Variants in CPS1 observed in about 807,000 individuals in gnomAD.
The protein encoded by CPS1 is carbamoyl-phosphate synthase [ammonia], mitochondrial.
CPS1 carries 109 observed loss-of-function variants against 174.6 expected under a neutral mutation model. The ratio of observed to expected loss-of-function variants is 0.62; its 90% CI spans 0.53 to 0.73. The LOEUF is 0.73. CPS1 is among the 30% of genes least tolerant of loss of function. The pLI, the probability that CPS1 is intolerant of heterozygous loss-of-function variation, is 0.00. For missense variants in CPS1, 1,689 were observed against 1,821.9 expected (o/e 0.93, Z 1.33); for synonymous variants, 637 against 632.0 (o/e 1.01, Z -0.12).
intron 1 of CPS1, among the ~76,000 whole-genome samples, chr2:210,541,302 T>C (rs1696417948): frequency 6.6e-6 from 1 of 152,184 alleles, no homozygotes. Context: ...CCAATCAAAC[T>C]GTCCTCCCAG....
intron 23 of CPS1, 91 bp downstream of exon 23, chr2:210,639,306 T>C: frequency 1.9e-6 from 2 of 1,067,886 alleles, no homozygotes; most frequent in East Asian, 2.5e-5. Context: ...TCTTTGGATA[T>C]CTAGGTAATA....
At chr2:210,492,339 A>C (rs2105952700) in intron 1 of CPS1, among the ~76,000 whole-genome samples, 1 of 152,336 alleles carries the variant, frequency 6.6e-6, no homozygotes, top group African/African-American at 2.4e-5. Context: ...TCTCTACAGA[A>C]GTCAGAAATA....
chr2:210,540,251 G>A (rs1372473635), intron 1 of CPS1, among the ~76,000 whole-genome samples: 7 of 152,092 alleles, frequency 4.6e-5, no homozygotes, highest in African/African-American at 9.7e-5. Context: ...CTTTCTCTTT[G>A]CCTTCCTGTT....
intron 1 of CPS1, among the ~76,000 whole-genome samples, chr2:210,507,616 C>G (rs1460142463): frequency 6.6e-6 from 1 of 151,268 alleles, no homozygotes; most frequent in Non-Finnish European, 1.5e-5. Flanking sequence ...CATCAGTGTG[C>G]TGTATTCAGG....
chr2:210,640,394 A>G (rs1700183940), intron 24 of CPS1, among the ~76,000 whole-genome samples: 1 of 152,188 alleles, frequency 6.6e-6, no homozygotes, highest in South Asian at 2.1e-4. Flanking sequence ...GTTTTTCATA[A>G]GGATCTACAT....
intron 28 of CPS1, among the ~76,000 whole-genome samples, chr2:210,651,297 C>T (rs1036922652): frequency 2.0e-5 from 3 of 152,108 alleles, no homozygotes; most frequent in Admixed American, 6.5e-5. Context: ...GATCGCTCTT[C>T]TGTGTATGAT....
chr2:210,633,947 G>A (rs1019095436), intron 21 of CPS1, among the ~76,000 whole-genome samples: 4 of 152,280 alleles, frequency 2.6e-5, no homozygotes, highest in South Asian at 4.1e-4. Flanking sequence ...GTTCTTCAGA[G>A]TTAGGATTTT....
chr2:210,671,941 A>C (rs1211220576), intron 34 of CPS1: 1 of 152,154 alleles, frequency 6.6e-6, no homozygotes, highest in Admixed American at 6.5e-5. Context: ...GATTTTAGCC[A>C]AGGTTAATGC....
At chr2:210,500,476 C>G (rs543193107) in intron 1 of CPS1, among the ~76,000 whole-genome samples, 26 of 152,328 alleles carry the variant, frequency 1.7e-4, no homozygotes, top group African/African-American at 5.8e-4. Context: ...GAGGTACAGG[C>G]CTTGGGTAAA....
At chr2:210,561,553 G>A (rs1697101673) in intron 1 of CPS1, among the ~76,000 whole-genome samples, 2 of 152,156 alleles carry the variant, frequency 1.3e-5, no homozygotes, top group Admixed American at 1.3e-4. Context: ...GAGGGGTGCT[G>A]TAGAAAGTTT....
intron 1 of CPS1, among the ~76,000 whole-genome samples, chr2:210,489,965 T>C (rs1694826046): frequency 8.0e-6 from 1 of 125,120 alleles, no homozygotes; most frequent in Non-Finnish European, 1.6e-5. Context: ...GCCACTGCAC[T>C]CCAGCCTGGG....
intron 29 of CPS1, 129 bp downstream of exon 29, chr2:210,654,231 T>C (rs1700642286): frequency 1.3e-6 from 1 of 795,548 alleles, no homozygotes; most frequent in Non-Finnish European, 2.1e-6. Flanking sequence ...GTGGAGAAGC[T>C]GTAAAAAAAA....
At position 210,640,165 on chromosome 2, in the gene CPS1, A is replaced by G. The variant is rs1217037487; in HGVS notation, c.2959+106A>G. 1.6e-5 allele frequency: 13 copies of G among 814,474 alleles called. No individual in the cohort carries two copies. The East Asian group carries it at 3.1e-4, about 20-fold the overall frequency. 50.5% of individuals were successfully genotyped at this position (814,474 alleles called of 1,614,324 possible). A position where few individuals can be genotyped will look rare whatever the true frequency, so the allele number is the denominator to read the frequency against. The stretch of plus-strand genomic sequence containing the variant: ...AGAACTATATCAAATAAATGCTGTA[A>G]TATATGTTTTGCAAATTAGGAAGCT... On this transcript the variant is annotated intron_variant, in intron 24 of 37. Coordinates refer to ENST00000233072, the MANE Select transcript of CPS1 (RefSeq NM_001875.5).
intron 33 of CPS1, among the ~76,000 whole-genome samples, chr2:210,666,785 A>G (rs1314619139): frequency 6.6e-6 from 1 of 151,948 alleles, no homozygotes; most frequent in Non-Finnish European, 1.5e-5. Flanking sequence ...TGTTCTTTTG[A>G]CTTAGGATTG....
chr2:210,590,816 G>T lies in CPS1; in HGVS notation c.857G>T (p.Arg286Leu). 1 of 1,610,190 alleles carries T rather than the reference G, an allele frequency of 6.2e-7. No homozygotes were observed. The highest frequency in any genetic ancestry group is 8.5e-7 in the Non-Finnish European group (1 of 1,177,504). ...QNVRKILESD[R>L]KEPLFGISTG... is the part of the protein sequence containing the mutation. ...CTGATTTAGATTTTGGAGAGTGATC[G>T]CAAGGAGCCATTGTTTGGAATCAGT... Residue 286 changes from arginine (R) to leucine (L), a missense_variant, in exon 9 of 38, where the codon CGC becomes CTC. Arg to Leu is a moderately radical substitution (Grantham distance 102). Coordinates refer to ENST00000233072, the MANE Select transcript of CPS1 (RefSeq NM_001875.5).
intron 1 of CPS1, among the ~76,000 whole-genome samples, chr2:210,547,725 T>C (rs1470241657): frequency 6.6e-6 from 1 of 152,094 alleles, no homozygotes; most frequent in African/African-American, 2.4e-5. Flanking sequence ...TAATAAAATG[T>C]CTTTTACTTA....
chr2:210,589,939 C>A (rs1390490253), intron 7 of CPS1, among the ~76,000 whole-genome samples, 167 bp from the exon 8 acceptor site: 3 of 151,968 alleles, frequency 2.0e-5, no homozygotes, highest in African/African-American at 7.2e-5. Flanking sequence ...CGGCATGAGC[C>A]ACCAAGCCCG....
At chr2:210,670,116 A>G (rs1371746498) in intron 34 of CPS1, among the ~76,000 whole-genome samples, 2 of 152,136 alleles carry the variant, frequency 1.3e-5, no homozygotes, top group African/African-American at 2.4e-5. Flanking sequence ...CTACCTTTCA[A>G]TACTTTCCTT....
intron 17 of CPS1, among the ~76,000 whole-genome samples, chr2:210,605,928 G>A (rs1698891889): frequency 6.6e-6 from 1 of 151,788 alleles, no homozygotes; most frequent in Non-Finnish European, 1.5e-5. Context: ...AGGGGAAAGA[G>A]GAAGTATTAC....
Sources: gnomAD v4.1 joint callset for allele counts (sites outside exome capture counted in the v4.1 genomes callset) on GRCh38, gnomAD v4.1.1 for gene constraint, MANE v1.5 for transcripts, NCBI Gene and HGNC (gene_info 2026-07-23, HGNC 2026-07-21) for gene names.